ZNF266: variants seen among roughly 807,000 people sequenced by gnomAD.
ZNF266 encodes zinc finger protein 266.
In ZNF266, 16 loss-of-function variants were observed where a neutral mutation model predicts 16.4. The observed-to-expected ratio is 0.98, with a 90% CI of 0.66 to 1.48. The LOEUF is 1.48. Ranked by LOEUF, ZNF266 falls within the 40% of genes most tolerant of loss-of-function variation. The pLI is 0.00. For missense variants in ZNF266, 738 were observed against 689.1 expected (o/e 1.07, Z -0.79); for synonymous variants, 262 against 237.9 (o/e 1.10, Z -0.93).
At chr19:9,425,487 T>C (rs958011467) in intron 5 of ZNF266, among the ~76,000 whole-genome samples, 1 of 152,184 alleles carries the variant, frequency 6.6e-6, no homozygotes, top group Non-Finnish European at 1.5e-5. Flanking sequence ...AGAGACCCCC[T>C]AGACCAAAAC....
intron 9 of ZNF266, 81 bp from the exon 10 acceptor site, chr19:9,415,823 C>T: frequency 8.1e-7 from 1 of 1,241,952 alleles, no homozygotes; most frequent in Non-Finnish European, 1.2e-6. Context: ...ATCATTTGTA[C>T]TTGTTTTCTT....
chr19:9,417,769 C>T (rs2069280558), intron 9 of ZNF266, 59 bp downstream of exon 9: 2 of 1,449,876 alleles, frequency 1.4e-6, no homozygotes, highest in Admixed American at 3.7e-5. Flanking sequence ...AAAGTTTCCT[C>T]ATTATACTTA....
At chr19:9,417,790 G>A in intron 9 of ZNF266, 38 bp downstream of exon 9, 1 of 1,543,372 alleles carries the variant, frequency 6.5e-7, no homozygotes, top group Non-Finnish European at 8.9e-7. Context: ...TAAACATACT[G>A]AACTTATTGA....
At position 9,413,330 on chromosome 19, in the gene ZNF266, G is replaced by A; in HGVS notation, c.1796C>T (p.Ser599Phe). The change falls in exon 11 of 11, where the codon TCC becomes TTC. Residue 599 changes from serine (S) to phenylalanine (F), a missense_variant. Transcript: ENST00000592904. ...TCTTTCATGATTTCGAAAGGAACTGGAAGAACTGAAGGCTTTCCCGCACTC... is the reference window on the plus strand; with the variant it reads ...TCTTTCATGATTTCGAAAGGAACTGAAAGAACTGAAGGCTTTCCCGCACTC... Reference protein sequence around the residue: ...CKECGKAFSSSSSFRNHERRH... With the variant: ...CKECGKAFSSFSSFRNHERRH... 6.2e-7 allele frequency: 1 copy of A among 1,610,532 alleles called. No homozygotes were observed. The highest frequency in any genetic ancestry group is 8.5e-7 in the Non-Finnish European group (1 of 1,178,114).
chr19:9,418,754 ACACT>A, intron 7 of ZNF266, 123 bp from the exon 8 acceptor site: 16 of 587,732 alleles, frequency 2.7e-5, no homozygotes, highest in Non-Finnish European at 4.0e-5. Context: ...CTCTCTATCC[ACACT>A]CACTCACTGT....
intron 10 of ZNF266, 134 bp from the exon 11 acceptor site, chr19:9,414,854 C>T: frequency 3.9e-6 from 4 of 1,015,558 alleles, no homozygotes; most frequent in Non-Finnish European, 5.4e-6. Context: ...TAAGTAATGC[C>T]CTTTTGATTT....
At chr19:9,418,447 G>A in intron 8 of ZNF266, 58 bp downstream of exon 8, 2 of 1,571,952 alleles carry the variant, frequency 1.3e-6, no homozygotes, top group Middle Eastern at 1.7e-4. Context: ...GTGCAATACA[G>A]TAAGTACATA....
chr19:9,423,764 G>A lies in ZNF266; in HGVS notation c.-129-3546C>T, dbSNP rs561836984. On this transcript the variant is annotated intron_variant, in intron 5 of 10. Coordinates refer to ENST00000592904, the MANE Select transcript of ZNF266 (RefSeq NM_001370374.1). Reference sequence around the variant, plus strand: ...GAATCCCAGCACTTTGGGAGGCCGAGGCAGGTGGATCGTTTCAGGTCAGGA... The same window carrying A: ...GAATCCCAGCACTTTGGGAGGCCGAAGCAGGTGGATCGTTTCAGGTCAGGA... Among the ~76,000 whole-genome samples, 11 of 152,266 alleles carry A rather than the reference G, an allele frequency of 7.2e-5. No homozygotes were observed. The South Asian group carries it at 2.3e-3, about 32-fold the overall frequency.
intron 5 of ZNF266, among the ~76,000 whole-genome samples, chr19:9,428,282 G>GC (rs1170409798): frequency 6.6e-6 from 1 of 152,180 alleles, no homozygotes; most frequent in Non-Finnish European, 1.5e-5. Context: ...GGCCACTGAG[G>GC]CCTCCTTAGG....
chr19:9,431,243 C>T (rs2071543371), intron 5 of ZNF266, among the ~76,000 whole-genome samples: 1 of 152,176 alleles, frequency 6.6e-6, no homozygotes, highest in Non-Finnish European at 1.5e-5. Flanking sequence ...CTGTCCACGC[C>T]ATATGCCCAT....
At position 9,413,414 on chromosome 19, in the gene ZNF266, G is replaced by C. The variant is rs1411554680; in HGVS notation, c.1712C>G (p.Ser571Cys). The change falls in exon 11 of 11, where the codon TCC (serine) becomes TGC (cysteine). Residue 571 changes from serine (S) to cysteine (C), a missense_variant. Physicochemically the swap from Ser to Cys is moderately radical, Grantham distance 112. Coordinates refer to ENST00000592904, the MANE Select transcript of ZNF266 (RefSeq NM_001370374.1). Reference sequence around the variant, plus strand: ...TCGTTCATGTAACTGAAACGAATTGGAGTAACTGAAGGATTTCCCACACTG... The same window carrying C: ...TCGTTCATGTAACTGAAACGAATTGCAGTAACTGAAGGATTTCCCACACTG... ...CKQCGKSFSY[S>C]NSFQLHERTH... 6.2e-7 allele frequency: 1 copy of C among 1,613,958 alleles called. No homozygotes were observed. Among genetic ancestry groups the C allele is most frequent in the Non-Finnish European group, 8.5e-7 (1 of 1,179,998 alleles).
intron 5 of ZNF266, among the ~76,000 whole-genome samples, chr19:9,432,859 A>G (rs1224072019): frequency 6.6e-6 from 1 of 152,212 alleles, no homozygotes; most frequent in Non-Finnish European, 1.5e-5. Context: ...CTCAAAAACA[A>G]TAACAAATGG....
chr19:9,426,083 T>A (rs570178374), intron 5 of ZNF266, among the ~76,000 whole-genome samples: 1 of 151,784 alleles, frequency 6.6e-6, no homozygotes, highest in Non-Finnish European at 1.5e-5. Context: ...GCTGGCAAGG[T>A]TGCTGTTGGG....
In ZNF266 at chr19:9,413,474, C is replaced by A. The variant is rs199586267; in HGVS notation, c.1652G>T (p.Arg551Leu). 1 of 1,611,722 alleles carries A rather than the reference C, an allele frequency of 6.2e-7. No individual in the cohort carries two copies. The highest frequency in any genetic ancestry group is 8.5e-7 in the Non-Finnish European group (1 of 1,178,720). Residue 551 changes from arginine (R) to leucine (L), a missense_variant, in exon 11 of 11, where the codon CGG (arginine) becomes CTG (leucine). Physicochemically the swap from Arg to Leu is moderately radical, Grantham distance 102. Coordinates refer to ENST00000592904, the MANE Select transcript of ZNF266 (RefSeq NM_001370374.1). ...KFPTCVNLHM[R>L]IHTGEKPYKC... is the part of the protein sequence containing the mutation. Reference sequence around the variant, plus strand: ...GTAGGGTTTTTCTCCAGTGTGGATCCGCATGTGAAGGTTAACACACGTGGG... The same window carrying A: ...GTAGGGTTTTTCTCCAGTGTGGATCAGCATGTGAAGGTTAACACACGTGGG...
chr19:9,416,663 CTTTTTT>C (rs368700653), intron 9 of ZNF266, among the ~76,000 whole-genome samples: 1 of 56,946 alleles, frequency 1.8e-5, no homozygotes, highest in African/African-American at 7.5e-5. Flanking sequence ...CGTGCCAGGC[CTTTTTT>C]TTTTTTTTTT....
In ZNF266 at chr19:9,414,141, G is replaced by C; in HGVS notation, c.985C>G (p.His329Asp). 1 of 1,613,950 alleles carries C rather than the reference G, an allele frequency of 6.2e-7. No individual in the cohort carries two copies. Among genetic ancestry groups the C allele is most frequent in the Non-Finnish European group, 8.5e-7 (1 of 1,179,910 alleles). The stretch of plus-strand genomic sequence containing the variant: ...CATTTATAAGGTTTCTCTCCAGTGT[G>C]AGTTTTTCTGTGCTGAGTAAGTTGA... Reference protein sequence around the residue: ...SCQLTQHRKTHTGEKPYKCKD... With the variant: ...SCQLTQHRKTDTGEKPYKCKD... The change falls in exon 11 of 11, where the codon CAC (histidine) becomes GAC (aspartate). Residue 329 changes from histidine (H) to aspartate (D), a missense_variant. His to Asp is a moderately conservative substitution (Grantham distance 81, BLOSUM62 -1). Transcript: ENST00000592904.
At chr19:9,415,296 G>GA (rs2068814520) in intron 10 of ZNF266, among the ~76,000 whole-genome samples, 1 of 152,074 alleles carries the variant, frequency 6.6e-6, no homozygotes, top group African/African-American at 2.4e-5. Flanking sequence ...CTCTGTCTAA[G>GA]AAAAAAACAA....
At chr19:9,423,113 G>A (rs1486829797) in intron 5 of ZNF266, among the ~76,000 whole-genome samples, 1 of 152,156 alleles carries the variant, frequency 6.6e-6, no homozygotes, top group African/African-American at 2.4e-5. Context: ...CATGACAGCA[G>A]GGATAAAGGC....
chr19:9,421,918 C>G (rs1374940069), intron 5 of ZNF266, among the ~76,000 whole-genome samples: 13 of 151,962 alleles, frequency 8.6e-5, no homozygotes, highest in Admixed American at 6.6e-5. Flanking sequence ...GTGGCGCGAT[C>G]TCGGCTCACT....
Sources: gnomAD v4.1 joint callset for allele counts (sites outside exome capture counted in the v4.1 genomes callset) on GRCh38, gnomAD v4.1.1 for gene constraint, MANE v1.5 for transcripts, NCBI Gene and HGNC (gene_info 2026-07-23, HGNC 2026-07-21) for gene names.